The following ARSB variants were observed in gnomAD, a reference collection of about 807,000 sequenced individuals.
ARSB encodes the protein N-acetylgalactosamine-4-sulfatase.
ARSB carries 41 observed loss-of-function variants against 50.9 expected under a neutral mutation model. The observed-to-expected ratio is 0.81, with a 90% CI of 0.63 to 1.04. The LOEUF is 1.04. Among genes scored for constraint, ARSB ranks in the 50% least tolerant of loss-of-function variants. The pLI, the probability that ARSB is intolerant of heterozygous loss-of-function variation, is 0.00. For synonymous variants in ARSB, 269 were observed against 284.8 expected, an observed-to-expected ratio of 0.94 and a Z score of 0.56; for missense variants, 672 against 693.3, an observed-to-expected ratio of 0.97 and a Z score of 0.35.
At position 78,835,929 on chromosome 5, in the gene ARSB, A is replaced by T. The variant is rs573641719; in HGVS notation, c.1213+3427T>A. Among the ~76,000 whole-genome samples, 7 of 152,214 alleles carry T rather than the reference A, an allele frequency of 4.6e-5. No individual in the cohort carries two copies. The East Asian group carries it at 1.2e-3, about 25-fold the overall frequency. On this transcript the variant is annotated intron_variant, in intron 6 of 7. Transcript: ENST00000264914. The stretch of plus-strand genomic sequence containing the variant: ...AGAGCTGGAGTGAGAAACCACAGAA[A>T]TGCTTCTGTGATAACACTGACTCCA...
intron 5 of ARSB, among the ~76,000 whole-genome samples, chr5:78,853,861 G>A (rs1434536971): frequency 6.6e-6 from 1 of 152,264 alleles, no homozygotes; most frequent in Non-Finnish European, 1.5e-5. Flanking sequence ...GACCCTCTGA[G>A]CCAGGTGCGG....
chr5:78,921,604 A>G (rs908618098), intron 4 of ARSB, among the ~76,000 whole-genome samples: 4 of 152,238 alleles, frequency 2.6e-5, no homozygotes, highest in Non-Finnish European at 4.4e-5. Flanking sequence ...GATTAAAATC[A>G]TATCATGTAT....
At chr5:78,947,503 T>C (rs1208494909) in intron 4 of ARSB, among the ~76,000 whole-genome samples, 9 of 152,138 alleles carry the variant, frequency 5.9e-5, no homozygotes, top group Non-Finnish European at 7.4e-5. Flanking sequence ...AAAGAAGACA[T>C]ATAAACGGCA....
chr5:78,944,773 C>T (rs575304973), intron 4 of ARSB, among the ~76,000 whole-genome samples: 4 of 152,174 alleles, frequency 2.6e-5, no homozygotes, highest in South Asian at 2.1e-4. Flanking sequence ...TCTCAAGCTG[C>T]GTGCTGGGAG....
At chr5:78,802,582 AAC>A (rs958819176) in intron 6 of ARSB, among the ~76,000 whole-genome samples, 67 of 152,322 alleles carry the variant, frequency 4.4e-4, no homozygotes, top group Admixed American at 4.3e-3. Flanking sequence ...AGCCCCGGGA[AAC>A]ACACACTAGG....
intron 7 of ARSB, 36 bp from the exon 8 acceptor site, chr5:78,780,698 A>C (rs977438881): frequency 3.1e-6 from 5 of 1,612,440 alleles, no homozygotes; most frequent in Non-Finnish European, 8.5e-7. Context: ...CTGAGGGAGA[A>C]GCACAGAGGC....
chr5:78,980,178 G>A (rs1752842510), intron 1 of ARSB, among the ~76,000 whole-genome samples: 1 of 152,156 alleles, frequency 6.6e-6, no homozygotes. Context: ...CCTTGTGAAT[G>A]TACAAAAAAC....
At chr5:78,801,119 AT>A (rs1039157247) in intron 6 of ARSB, among the ~76,000 whole-genome samples, 9 of 151,762 alleles carry the variant, frequency 5.9e-5, no homozygotes, top group Non-Finnish European at 7.4e-5. Context: ...AGCAAGTAAA[AT>A]TTTTTTTTAG....
At chr5:78,919,338 G>A (rs549034949) in intron 4 of ARSB, among the ~76,000 whole-genome samples, 18 of 152,312 alleles carry the variant, frequency 1.2e-4, no homozygotes, top group South Asian at 1.0e-3. Context: ...GCCAGTGCCA[G>A]TAGCTAGCCT....
At chr5:78,850,313 T>C (rs1287938947) in intron 5 of ARSB, among the ~76,000 whole-genome samples, 4 of 152,262 alleles carry the variant, frequency 2.6e-5, no homozygotes, top group Non-Finnish European at 5.9e-5. Flanking sequence ...TCTATTGAGA[T>C]AATCATGTGG....
intron 3 of ARSB, among the ~76,000 whole-genome samples, chr5:78,956,832 C>T (rs1024653648): frequency 6.6e-6 from 1 of 152,132 alleles, no homozygotes; most frequent in Non-Finnish European, 1.5e-5. Flanking sequence ...ATTGGAAAAC[C>T]CACTATTACG....
chr5:78,957,911 G>C (rs370728029), intron 3 of ARSB, among the ~76,000 whole-genome samples: 4 of 119,896 alleles, frequency 3.3e-5, no homozygotes, highest in African/African-American at 1.1e-4. Context: ...GGTCCAGATG[G>C]GGATAGGATT....
intron 4 of ARSB, among the ~76,000 whole-genome samples, chr5:78,921,084 G>A (rs1749790413): frequency 6.6e-6 from 1 of 152,056 alleles, no homozygotes; most frequent in African/African-American, 2.4e-5. Flanking sequence ...CCCAAAACCT[G>A]GACGCTCAAT....
intron 5 of ARSB, among the ~76,000 whole-genome samples, chr5:78,864,735 C>T (rs1388239293): frequency 6.6e-6 from 1 of 152,202 alleles, no homozygotes; most frequent in African/African-American, 2.4e-5. Flanking sequence ...CAAAAGCAAG[C>T]TAGTTATTTC....
At chr5:78,851,920 T>G (rs1745815878) in intron 5 of ARSB, among the ~76,000 whole-genome samples, 1 of 152,168 alleles carries the variant, frequency 6.6e-6, no homozygotes, top group South Asian at 2.1e-4. Context: ...TTGGTAGATC[T>G]TCCTCCATCC....
chr5:78,787,142 A>G (rs183720894), intron 6 of ARSB, among the ~76,000 whole-genome samples: 7 of 119,088 alleles, frequency 5.9e-5, no homozygotes, highest in Non-Finnish European at 1.3e-4. Context: ...ATCTATATAG[A>G]TACAGGTTTC....
At position 78,796,447 on chromosome 5, in the gene ARSB, T is replaced by C. The variant is rs1431126341; in HGVS notation, c.1214-14473A>G. Among the ~76,000 whole-genome samples the C allele has an allele frequency of 2.0e-5, 3 of 152,266 alleles. No homozygotes were observed. The East Asian group carries it at 5.8e-4, about 29-fold the overall frequency. On this transcript the variant is annotated intron_variant, in intron 6 of 7. Coordinates refer to ENST00000264914, the MANE Select transcript of ARSB (RefSeq NM_000046.5). ...CCCCAGGAGGATCCAGGAAGAGCCC[T>C]ATGGATAGGCCAATGCAATAGGTAA...
intron 4 of ARSB, among the ~76,000 whole-genome samples, chr5:78,928,664 G>T (rs1240889810): frequency 6.6e-6 from 1 of 152,132 alleles, no homozygotes; most frequent in African/African-American, 2.4e-5. Context: ...CTCCTTTAAA[G>T]AATTTAAAAT....
intron 6 of ARSB, among the ~76,000 whole-genome samples, chr5:78,818,062 G>A (rs1412526819): frequency 6.6e-6 from 1 of 151,940 alleles, no homozygotes; most frequent in Non-Finnish European, 1.5e-5. Context: ...GTAGGAGAAT[G>A]ACTTGAACCC....
Sources: gnomAD v4.1 joint callset for allele counts (sites outside exome capture counted in the v4.1 genomes callset) on GRCh38, gnomAD v4.1.1 for gene constraint, MANE v1.5 for transcripts, NCBI Gene and HGNC (gene_info 2026-07-23, HGNC 2026-07-21) for gene names.